PRKCI: variants seen among roughly 807,000 people sequenced by gnomAD.
The protein encoded by PRKCI is protein kinase C iota.
A neutral mutation model predicts 84.0 loss-of-function variants in PRKCI; 43 were observed. The observed-to-expected ratio is 0.51, with a 90% CI of 0.40 to 0.66. The LOEUF is 0.66. Ranked by LOEUF, PRKCI falls within the 30% of genes least tolerant of loss-of-function variation. PRKCI has a pLI of 0.00. For missense variants in PRKCI, 459 were observed against 745.6 expected, an observed-to-expected ratio of 0.62 and a Z score of 4.48; for synonymous variants, 216 against 234.4, an observed-to-expected ratio of 0.92 and a Z score of 0.72.
intron 2 of PRKCI, among the ~76,000 whole-genome samples, chr3:170,235,954 T>G (rs1732963799): frequency 6.6e-6 from 1 of 152,002 alleles, no homozygotes; most frequent in Admixed American, 6.6e-5. Flanking sequence ...ATTAAATTTT[T>G]TTTTTTTATT....
intron 5 of PRKCI, among the ~76,000 whole-genome samples, chr3:170,269,476 C>T (rs980079222): frequency 2.0e-5 from 3 of 151,836 alleles, no homozygotes; most frequent in Non-Finnish European, 4.4e-5. Context: ...GCCAGGGTAA[C>T]GTAGTGTGAG....
chr3:170,246,093 C>A (rs1158827741), intron 2 of PRKCI, among the ~76,000 whole-genome samples: 1 of 151,700 alleles, frequency 6.6e-6, no homozygotes, highest in African/African-American at 2.4e-5. Flanking sequence ...GCTGGAACTA[C>A]AGGAGTGCTC....
At chr3:170,284,662 C>G in intron 12 of PRKCI, 66 bp downstream of exon 12, 3 of 1,490,602 alleles carry the variant, frequency 2.0e-6, no homozygotes, top group South Asian at 2.5e-5. Flanking sequence ...AAAATAACTT[C>G]ATGTTTAAAG....
chr3:170,246,991 G>T (rs1329995750), intron 2 of PRKCI, among the ~76,000 whole-genome samples: 5 of 151,922 alleles, frequency 3.3e-5, no homozygotes, highest in Non-Finnish European at 7.4e-5. Context: ...CTGTCTTATA[G>T]CTTGCATTGT....
At chr3:170,296,673 C>A (rs910953202) in intron 15 of PRKCI, among the ~76,000 whole-genome samples, 1 of 151,876 alleles carries the variant, frequency 6.6e-6, no homozygotes, top group African/African-American at 2.4e-5. Context: ...AAAAAATGAA[C>A]AATTTATGTG....
intron 9 of PRKCI, 21 bp from the exon 10 acceptor site, chr3:170,281,145 T>A: frequency 6.3e-7 from 1 of 1,591,330 alleles, no homozygotes; most frequent in African/African-American, 1.3e-5. Context: ...TGACATAGAT[T>A]TCTTACATGT....
At chr3:170,293,060 C>A (rs867045962) in intron 13 of PRKCI, among the ~76,000 whole-genome samples, 8 of 150,174 alleles carry the variant, frequency 5.3e-5, no homozygotes, top group Admixed American at 2.0e-4. Context: ...AAAAAAAAGA[C>A]CAAGGAGATT....
chr3:170,290,892 C>A (rs1734534145), intron 12 of PRKCI, among the ~76,000 whole-genome samples: 1 of 152,110 alleles, frequency 6.6e-6, no homozygotes, highest in Non-Finnish European at 1.5e-5. Context: ...AATCCCAGCA[C>A]TTTGGGAGGC....
chr3:170,275,296 A>G lies in PRKCI; in HGVS notation c.705+9A>G, dbSNP rs578177190. Reference sequence around the variant, plus strand: ...TTGGTGAAGAAAAAGAGGTAAGATAATTTGTCTTATTGTACATTATATCAT... The same window carrying G: ...TTGGTGAAGAAAAAGAGGTAAGATAGTTTGTCTTATTGTACATTATATCAT... On this transcript the variant is annotated intron_variant, in intron 8 of 17. Coordinates refer to ENST00000295797, the MANE Select transcript of PRKCI (RefSeq NM_002740.6). 3 of 1,596,652 alleles carry G rather than the reference A, an allele frequency of 1.9e-6. No homozygotes were observed. The highest frequency in any genetic ancestry group is 2.6e-6 in the Non-Finnish European group (3 of 1,173,670).
intron 15 of PRKCI, among the ~76,000 whole-genome samples, chr3:170,297,095 T>TGTTTCTCC (rs1266972867): frequency 2.6e-5 from 4 of 152,202 alleles, no homozygotes; most frequent in Non-Finnish European, 4.4e-5. Context: ...CTGTTTTAAT[T>TGTTTCTCC]ACATGATGGG....
intron 3 of PRKCI, among the ~76,000 whole-genome samples, chr3:170,261,446 A>C (rs1266313225): frequency 7.0e-6 from 1 of 143,442 alleles, no homozygotes; most frequent in African/African-American, 2.8e-5. Flanking sequence ...TTTCCTTTAC[A>C]GTGTTTTTTT....
chr3:170,296,347 A>T (rs1734685234), intron 15 of PRKCI, among the ~76,000 whole-genome samples: 1 of 152,160 alleles, frequency 6.6e-6, no homozygotes, highest in South Asian at 2.1e-4. Context: ...TTATCCATAG[A>T]ATCTATTTAT....
chr3:170,269,237 C>G (rs940369892), intron 5 of PRKCI, among the ~76,000 whole-genome samples: 9 of 152,084 alleles, frequency 5.9e-5, no homozygotes, highest in African/African-American at 2.2e-4. Flanking sequence ...TTTAAATACT[C>G]TTGATAACCG....
intron 1 of PRKCI, among the ~76,000 whole-genome samples, chr3:170,231,046 G>A (rs759813538): frequency 8.3e-5 from 12 of 144,956 alleles, no homozygotes; most frequent in Admixed American, 2.9e-4. Context: ...TGCAACCTCC[G>A]CCTCCCAGGT....
At chr3:170,295,834 G>T in intron 14 of PRKCI, 77 bp from the exon 15 acceptor site, 2 of 841,604 alleles carry the variant, frequency 2.4e-6, no homozygotes, top group Non-Finnish European at 3.5e-6. Flanking sequence ...AACAGAACAA[G>T]CCCCTTTCAA....
intron 1 of PRKCI, among the ~76,000 whole-genome samples, chr3:170,226,727 A>C (rs2108833105): frequency 6.6e-6 from 1 of 152,312 alleles, no homozygotes; most frequent in Middle Eastern, 3.4e-3. Flanking sequence ...AAGAAATGCA[A>C]GATTATTTTA....
intron 12 of PRKCI, 139 bp downstream of exon 12, chr3:170,284,735 C>T: frequency 1.9e-6 from 2 of 1,065,974 alleles, no homozygotes; most frequent in Non-Finnish European, 2.6e-6. Flanking sequence ...AGCACAAAGA[C>T]AAATGTACTT....
intron 4 of PRKCI, 126 bp downstream of exon 4, chr3:170,263,555 A>G: frequency 1.4e-6 from 1 of 715,254 alleles, no homozygotes; most frequent in Non-Finnish European, 2.3e-6. Context: ...TAATCCCAGC[A>G]CTGTGGGAAG....
intron 1 of PRKCI, among the ~76,000 whole-genome samples, chr3:170,233,244 A>ATTTTTTTTTTTTTTTTTTTTT (rs1732852015): frequency 1.2e-5 from 1 of 81,444 alleles, no homozygotes. Flanking sequence ...TTTAAAAGCA[A>ATTTTTTTTTTTTTTTTTTTTT]TTAGTCCTAA....
Sources: gnomAD v4.1 joint callset for allele counts (sites outside exome capture counted in the v4.1 genomes callset) on GRCh38, gnomAD v4.1.1 for gene constraint, MANE v1.5 for transcripts, NCBI Gene and HGNC (gene_info 2026-07-23, HGNC 2026-07-21) for gene names.